Variants in FGF7 observed in about 807,000 individuals in gnomAD.
FGF7 encodes FGF-7.
In FGF7, 6 loss-of-function variants were observed where a neutral mutation model predicts 20.5. The observed-to-expected ratio is 0.29, with a 90% confidence interval of 0.16 to 0.58. The LOEUF (loss-of-function observed/expected upper bound fraction) is 0.58. Among genes scored for constraint, FGF7 ranks in the 20% least tolerant of loss-of-function variants. FGF7 has a pLI of 0.90. For missense variants in FGF7, 144 were observed against 228.8 expected (o/e 0.63, Z 2.39); for synonymous variants, 64 against 74.7 (o/e 0.86, Z 0.74).
intron 2 of FGF7, among the ~76,000 whole-genome samples, chr15:49,476,650 T>A (rs1178002342): frequency 6.6e-6 from 1 of 152,180 alleles, no homozygotes; most frequent in African/African-American, 2.4e-5. Flanking sequence ...ATAAATAATG[T>A]AAAATGTCGG....
intron 2 of FGF7, among the ~76,000 whole-genome samples, chr15:49,437,537 T>G (rs1597183384): frequency 6.6e-6 from 1 of 151,658 alleles, no homozygotes; most frequent in East Asian, 1.9e-4. Context: ...GGGGTGTGAT[T>G]CTGGGTAAAT....
intron 2 of FGF7, among the ~76,000 whole-genome samples, chr15:49,449,491 C>G (rs1224642701): frequency 6.6e-6 from 1 of 151,974 alleles, no homozygotes; most frequent in Non-Finnish European, 1.5e-5. Flanking sequence ...TCTAAGAATA[C>G]CACCTAAAAT....
At chr15:49,478,390 G>A (rs532342952) in intron 2 of FGF7, among the ~76,000 whole-genome samples, 1 of 151,078 alleles carries the variant, frequency 6.6e-6, no homozygotes, top group African/African-American at 2.4e-5. Flanking sequence ...TGGATATATT[G>A]ATATATTTTT....
intron 2 of FGF7, among the ~76,000 whole-genome samples, chr15:49,478,527 T>A (rs1250887269): frequency 1.3e-5 from 2 of 152,168 alleles, no homozygotes; most frequent in Non-Finnish European, 1.5e-5. Flanking sequence ...CAGAAAATCA[T>A]AAAATGTATT....
chr15:49,449,323 T>A (rs2151876093), intron 2 of FGF7, among the ~76,000 whole-genome samples: 1 of 152,224 alleles, frequency 6.6e-6, no homozygotes, highest in East Asian at 1.9e-4. Context: ...TGTTTTTTAC[T>A]TCTATACCTA....
chr15:49,437,520 T>A (rs1231544171), intron 2 of FGF7, among the ~76,000 whole-genome samples: 1 of 151,634 alleles, frequency 6.6e-6, no homozygotes, highest in African/African-American at 2.4e-5. Context: ...ATTTTAAGGA[T>A]TTTTTTGGGG....
rs892302562 is a variant in FGF7, at chr15:49,486,892, C to T, written c.*2388C>T. On this transcript the variant is annotated 3_prime_UTR_variant, in exon 4 of 4. Coordinates refer to ENST00000267843, the MANE Select transcript of FGF7 (RefSeq NM_002009.4). Reference sequence around the variant, plus strand: ...AGAATATTAAAACTGTAAGGGGCCTCCATCCCTCTTACTCATTTGTAGTCT... The same window carrying T: ...AGAATATTAAAACTGTAAGGGGCCTTCATCCCTCTTACTCATTTGTAGTCT... The T allele has an allele frequency of 1.4e-4, 22 of 151,894 alleles. No homozygotes were observed. The highest frequency in any genetic ancestry group is 5.3e-4 in the African/African-American group (22 of 41,404). 9.4% of individuals were successfully genotyped at this position (151,894 alleles called of 1,614,324 possible). A position where few individuals can be genotyped will look rare whatever the true frequency, so the allele number is the denominator to read the frequency against.
chr15:49,424,915 A>G (rs890222628), intron 2 of FGF7: 6 of 165,638 alleles, frequency 3.6e-5, no homozygotes, highest in African/African-American at 1.4e-4. Context: ...AAAACTCATT[A>G]AGATATCTAA....
intron 2 of FGF7, among the ~76,000 whole-genome samples, chr15:49,452,082 C>G (rs962189523): frequency 1.6e-4 from 24 of 151,868 alleles, no homozygotes; most frequent in African/African-American, 5.6e-4. Flanking sequence ...TGCTCTGTTG[C>G]CCAGGCTGGA....
chr15:49,437,551 A>C (rs1223789901), intron 2 of FGF7, among the ~76,000 whole-genome samples: 1 of 151,670 alleles, frequency 6.6e-6, no homozygotes, highest in Non-Finnish European at 1.5e-5. Flanking sequence ...GGTAAATCAT[A>C]TCTCTGTTTC....
chr15:49,482,776 G>A (rs2056064747), intron 2 of FGF7, among the ~76,000 whole-genome samples: 1 of 151,968 alleles, frequency 6.6e-6, no homozygotes, highest in Non-Finnish European at 1.5e-5. Flanking sequence ...ATGAGTAAAT[G>A]AGTTAATACA....
chr15:49,447,778 T>C (rs757638177), intron 2 of FGF7, among the ~76,000 whole-genome samples: 5 of 151,724 alleles, frequency 3.3e-5, no homozygotes, highest in African/African-American at 4.8e-5. Context: ...TCCAAACTAA[T>C]TCAACTAACT....
intron 2 of FGF7, among the ~76,000 whole-genome samples, chr15:49,450,342 T>A (rs745396702): frequency 6.6e-6 from 1 of 152,098 alleles, no homozygotes; most frequent in Admixed American, 6.6e-5. Flanking sequence ...TGTTCCTGAC[T>A]GTCTAGAGTT....
chr15:49,447,200 C>T (rs1455104656), intron 2 of FGF7, among the ~76,000 whole-genome samples: 1 of 151,550 alleles, frequency 6.6e-6, no homozygotes. Context: ...TATAATCCAC[C>T]AGGCCCATTG....
At chr15:49,442,646 A>G (rs12439479) in intron 2 of FGF7, among the ~76,000 whole-genome samples, 38,793 of 151,554 alleles carry the variant, frequency 0.26, 5,318 homozygotes, top group East Asian at 0.44. Context: ...TAATTACATG[A>G]ATGCAGTGTC....
chr15:49,455,737 A>G (rs1051311157), intron 2 of FGF7, among the ~76,000 whole-genome samples: 1 of 152,202 alleles, frequency 6.6e-6, no homozygotes, highest in Non-Finnish European at 1.5e-5. Flanking sequence ...TTTCTTGCTT[A>G]AAGTGGAGAA....
intron 2 of FGF7, 78 bp downstream of exon 2, chr15:49,424,661 C>A: frequency 2.6e-6 from 3 of 1,134,606 alleles, no homozygotes; most frequent in East Asian, 2.6e-5. Context: ...GTTTTCTCAT[C>A]TTCCTTTTGC....
chr15:49,458,677 C>T (rs1270778009), intron 2 of FGF7, among the ~76,000 whole-genome samples: 1 of 152,006 alleles, frequency 6.6e-6, no homozygotes, highest in African/African-American at 2.4e-5. Context: ...CTTCAGAAAA[C>T]AAAACTCAAA....
rs545777894 is a variant in FGF7, at chr15:49,481,220, C to T, written c.287-1931C>T. On this transcript the variant is annotated intron_variant, in intron 2 of 3. Transcript: ENST00000267843. ...TATTAGGTTGGTGCAAAGGTAATTA[C>T]AGTTTTTGTCATAAAAGTAATGGCA... Among the ~76,000 whole-genome samples the T allele has an allele frequency of 8.8e-4, 134 of 152,294 alleles. 5 individuals carry two copies. In the South Asian group the frequency reaches 0.027, roughly 30 times the overall value.
Sources: gnomAD v4.1 joint callset for allele counts (sites outside exome capture counted in the v4.1 genomes callset) on GRCh38, gnomAD v4.1.1 for gene constraint, MANE v1.5 for transcripts, NCBI Gene and HGNC (gene_info 2026-07-23, HGNC 2026-07-21) for gene names.